Variants in GSTCD observed in about 807,000 individuals in gnomAD.
The protein encoded by GSTCD is glutathione S-transferase C-terminal domain containing, also known as glutathione S-transferase C-terminal domain-containing protein.
In GSTCD, 44 loss-of-function variants were observed where a neutral mutation model predicts 68.3. The ratio of observed to expected loss-of-function variants is 0.64; its 90% CI spans 0.51 to 0.83. The LOEUF (loss-of-function observed/expected upper bound fraction) is 0.83, where lower values mean the gene tolerates loss of function less well. Among genes scored for constraint, GSTCD ranks in the 40% least tolerant of loss-of-function variants. GSTCD has a pLI of 0.00. For synonymous variants in GSTCD, 273 were observed against 255.2 expected (o/e 1.07, Z -0.67); for missense variants, 739 against 735.9 (o/e 1.00, Z -0.05).
intron 9 of GSTCD, among the ~76,000 whole-genome samples, chr4:105,837,628 C>T (rs1301606256): frequency 6.6e-6 from 1 of 152,188 alleles, no homozygotes; most frequent in African/African-American, 2.4e-5. Context: ...AAAGGTGCTT[C>T]TCTAACAGTG....
intron 5 of GSTCD, among the ~76,000 whole-genome samples, chr4:105,782,914 T>C (rs1735334914): frequency 6.6e-6 from 1 of 152,230 alleles, no homozygotes; most frequent in Non-Finnish European, 1.5e-5. Context: ...TGTGTACATA[T>C]AATGTATTTT....
chr4:105,772,628 T>C (rs1307384857), intron 5 of GSTCD, among the ~76,000 whole-genome samples: 1 of 152,228 alleles, frequency 6.6e-6, no homozygotes, highest in South Asian at 2.1e-4. Context: ...GTGGTTTTTG[T>C]CATTGGTTCT....
intron 11 of GSTCD, among the ~76,000 whole-genome samples, chr4:105,842,996 A>G (rs1254206293): frequency 6.6e-6 from 1 of 152,234 alleles, no homozygotes; most frequent in Non-Finnish European, 1.5e-5. Flanking sequence ...AATTATTCAG[A>G]GAAACCCAAC....
chr4:105,814,709 T>G (rs148952770), intron 5 of GSTCD, among the ~76,000 whole-genome samples: 42 of 152,316 alleles, frequency 2.8e-4, no homozygotes, highest in Non-Finnish European at 4.9e-4. Flanking sequence ...ATCAATACTT[T>G]CCCAGACTGA....
At chr4:105,841,276 A>G (rs1486502221) in intron 10 of GSTCD, among the ~76,000 whole-genome samples, 3 of 151,848 alleles carry the variant, frequency 2.0e-5, no homozygotes, top group Non-Finnish European at 4.4e-5. Context: ...GTGAGCCGAG[A>G]TTGTGCCACT....
chr4:105,825,347 C>G (rs963870620), intron 7 of GSTCD, among the ~76,000 whole-genome samples: 1 of 152,192 alleles, frequency 6.6e-6, no homozygotes, highest in East Asian at 1.9e-4. Context: ...CCAGGCTAAT[C>G]TCGAGTTCCT....
At chr4:105,720,362 C>T (rs1395170916) in intron 3 of GSTCD, among the ~76,000 whole-genome samples, 1 of 152,102 alleles carries the variant, frequency 6.6e-6, no homozygotes, top group East Asian at 1.9e-4. Context: ...GGAAGCATTT[C>T]CCCCTTTTCC....
At chr4:105,771,638 A>G (rs1438048068) in intron 5 of GSTCD, among the ~76,000 whole-genome samples, 1 of 152,128 alleles carries the variant, frequency 6.6e-6, no homozygotes, top group African/African-American at 2.4e-5. Flanking sequence ...TCCTTTTCCC[A>G]TTGCTTGTTT....
At chr4:105,836,670 C>T (rs1324731441) in intron 9 of GSTCD, among the ~76,000 whole-genome samples, 1 of 152,232 alleles carries the variant, frequency 6.6e-6, no homozygotes, top group Non-Finnish European at 1.5e-5. Context: ...ACCTTGAGTG[C>T]ACACACAGCT....
At chr4:105,743,095 G>A (rs916428976) in intron 5 of GSTCD, among the ~76,000 whole-genome samples, 7 of 151,576 alleles carry the variant, frequency 4.6e-5, no homozygotes, top group South Asian at 2.1e-4. Context: ...GACTACAGGC[G>A]CCCGCCACCA....
At chr4:105,775,266 A>G (rs1735009592) in intron 5 of GSTCD, among the ~76,000 whole-genome samples, 1 of 151,956 alleles carries the variant, frequency 6.6e-6, no homozygotes, top group African/African-American at 2.4e-5. Context: ...CCTTTTTTCA[A>G]GGTTCTTAGC....
chr4:105,828,703 A>C (rs1215413677), intron 8 of GSTCD, among the ~76,000 whole-genome samples: 1 of 152,244 alleles, frequency 6.6e-6, no homozygotes, highest in African/African-American at 2.4e-5. Context: ...CATGCCAGGC[A>C]GAGTGGCAAG....
intron 5 of GSTCD, among the ~76,000 whole-genome samples, chr4:105,793,357 T>C (rs1012387102): frequency 1.3e-5 from 2 of 151,930 alleles, no homozygotes; most frequent in African/African-American, 4.8e-5. Context: ...GTTTTCAAGC[T>C]TACAAATAAG....
intron 5 of GSTCD, among the ~76,000 whole-genome samples, chr4:105,781,171 A>G (rs1490526479): frequency 6.6e-6 from 1 of 152,202 alleles, no homozygotes; most frequent in Non-Finnish European, 1.5e-5. Flanking sequence ...AAACAGTGGA[A>G]TATAAATGTT....
intron 5 of GSTCD, among the ~76,000 whole-genome samples, chr4:105,733,411 C>A (rs1472240847): frequency 6.6e-6 from 1 of 152,164 alleles, no homozygotes; most frequent in Non-Finnish European, 1.5e-5. Context: ...GTTAGCTCTT[C>A]TTGTTGAATT....
At chr4:105,769,869 C>T (rs1734774015) in intron 5 of GSTCD, among the ~76,000 whole-genome samples, 1 of 152,130 alleles carries the variant, frequency 6.6e-6, no homozygotes, top group Admixed American at 6.5e-5. Flanking sequence ...GATCCTCTCA[C>T]CTCAGCCTCC....
intron 5 of GSTCD, chr4:105,761,374 C>CT (rs781616605): frequency 7.2e-4 from 110 of 152,638 alleles, no homozygotes; most frequent in Non-Finnish European, 1.3e-3. Context: ...CTGTTACAGT[C>CT]TATTAGTTAT....
At chr4:105,758,853 T>C (rs1734292788) in intron 5 of GSTCD, among the ~76,000 whole-genome samples, 1 of 152,210 alleles carries the variant, frequency 6.6e-6, no homozygotes, top group Non-Finnish European at 1.5e-5. Flanking sequence ...TTCAATTTTT[T>C]ATAAGTTTTA....
chr4:105,768,111 C>T (rs1259065523), intron 5 of GSTCD, among the ~76,000 whole-genome samples: 3 of 151,640 alleles, frequency 2.0e-5, no homozygotes, highest in Admixed American at 1.3e-4. Flanking sequence ...TCTCGGCTCA[C>T]TGCAAGCTCC....
Sources: allele counts gnomAD v4.1 joint callset (sites outside exome capture counted in the v4.1 genomes callset), GRCh38; gene constraint gnomAD v4.1.1; transcripts MANE v1.5; gene names NCBI Gene and HGNC (gene_info 2026-07-23, HGNC 2026-07-21).